Variants in TMEM234 observed in about 807,000 individuals in gnomAD.
TMEM234 encodes chromosome 1 open reading frame 91.
A neutral mutation model predicts 17.8 loss-of-function variants in TMEM234; 21 were observed. The observed-to-expected ratio is 1.18, with a 90% CI of 0.84 to 1.70. The LOEUF (loss-of-function observed/expected upper bound fraction) is 1.70, where lower values mean the gene tolerates loss of function less well. Ranked by LOEUF, TMEM234 falls within the 40% of genes most tolerant of loss-of-function variation. The probability of loss-of-function intolerance (pLI) is 0.00; values close to 1 mark genes in which losing one functional copy is unlikely to be tolerated. For synonymous variants in TMEM234, 83 were observed against 73.5 expected, an observed-to-expected ratio of 1.13 and a Z score of -0.66; for missense variants, 137 against 166.9, an observed-to-expected ratio of 0.82 and a Z score of 0.99.
chr1:32,216,015 C>T (rs187918968), downstream of TMEM234: 430 of 888,708 alleles, frequency 4.8e-4, no homozygotes, highest in Admixed American at 1.1e-3. Context: ...GGGTACACTG[C>T]GGCCTCCTCA....
intron 3 of TMEM234, among the ~76,000 whole-genome samples, chr1:32,217,771 A>G: frequency 6.6e-6 from 1 of 152,230 alleles, no homozygotes; most frequent in East Asian, 1.9e-4. Flanking sequence ...TTTTCACAAC[A>G]CTGCAAGAAG....
intron 3 of TMEM234, among the ~76,000 whole-genome samples, chr1:32,219,740 C>G (rs1049306123): frequency 1.3e-5 from 2 of 152,120 alleles, no homozygotes; most frequent in African/African-American, 4.8e-5. Flanking sequence ...TGGTTTGCAA[C>G]AGTAGATGGA....
rs746122750 is a variant in TMEM234 at position 32,222,044 on chromosome 1, T to C, written c.17-26A>G. The C allele has an allele frequency of 1.0e-5, 16 of 1,584,926 alleles. No individual in the cohort carries two copies. The African/African-American group carries it at 1.8e-4, about 17-fold the overall frequency. Reference sequence around the variant, plus strand: ...CTGAATGCAGACGAGTGAGTCACCCTGACCCCCACCCCAAACGGCCGCCCA... The same window carrying C: ...CTGAATGCAGACGAGTGAGTCACCCCGACCCCCACCCCAAACGGCCGCCCA... On this transcript the variant is annotated intron_variant, in intron 1 of 4. Coordinates refer to ENST00000309777, the MANE Select transcript of TMEM234 (RefSeq NM_019118.5).
intron 4 of TMEM234, 72 bp from the exon 5 acceptor site, chr1:32,217,019 G>A (rs1294509313): frequency 6.2e-7 from 1 of 1,605,036 alleles, no homozygotes; most frequent in African/African-American, 1.3e-5. Flanking sequence ...AGGGCTGGAG[G>A]AAGGGCTCAG....
At chr1:32,217,511 T>C (rs775419802) in intron 3 of TMEM234, 160 bp from the exon 4 acceptor site, 5 of 1,482,834 alleles carry the variant, frequency 3.4e-6, no homozygotes, top group Admixed American at 3.9e-5. Flanking sequence ...CCACATCTCC[T>C]GACTCCACGT....
chr1:32,214,573 T>C, downstream of TMEM234: 1 of 563,964 alleles, frequency 1.8e-6, no homozygotes, highest in Non-Finnish European at 3.1e-6. Context: ...ACAGTCTGGT[T>C]TCACTGGGCA....
At chr1:32,214,655 G>A (rs1638241730), downstream of TMEM234, 2 of 1,218,446 alleles carry the variant, frequency 1.6e-6, no homozygotes, top group South Asian at 3.1e-5. Flanking sequence ...AGCAAGGAGG[G>A]AGGACGTACT....
intron 3 of TMEM234, among the ~76,000 whole-genome samples, chr1:32,218,732 GT>G (rs1488303723): frequency 1.3e-5 from 2 of 152,084 alleles, no homozygotes; most frequent in African/African-American, 4.8e-5. Flanking sequence ...GAGGTCAGGA[GT>G]TCAAGACCAG....
rs1253299697 is a variant in TMEM234 at position 32,216,376 on chromosome 1, C to T, written c.*477G>A. The T allele has an allele frequency of 6.4e-6, 10 of 1,550,606 alleles. No individual in the cohort carries two copies. Among genetic ancestry groups the T allele is most frequent in the Admixed American group, 2.0e-5 (1 of 50,980 alleles). On this transcript the variant is annotated 3_prime_UTR_variant, in exon 5 of 5. Transcript: ENST00000309777. ...AGCTCATTTCCTGCATCTGCCACTCCGACGCACCTTCTTCCCTCGGTTCCA... is the reference window on the plus strand; with the variant it reads ...AGCTCATTTCCTGCATCTGCCACTCTGACGCACCTTCTTCCCTCGGTTCCA...
intron 3 of TMEM234, among the ~76,000 whole-genome samples, chr1:32,219,806 G>A (rs1410699435): frequency 6.6e-6 from 1 of 152,158 alleles, no homozygotes; most frequent in African/African-American, 2.4e-5. Flanking sequence ...AGGCAGATCT[G>A]AGTTTCCCTT....
At chr1:32,219,684 T>G (rs1292084131) in intron 3 of TMEM234, among the ~76,000 whole-genome samples, 1 of 152,146 alleles carries the variant, frequency 6.6e-6, no homozygotes, top group Non-Finnish European at 1.5e-5. Context: ...AGAGCTGCCT[T>G]CTTAAGTTTA....
chr1:32,220,996 G>A, intron 3 of TMEM234, 135 bp downstream of exon 3: 1 of 675,148 alleles, frequency 1.5e-6, no homozygotes, highest in Non-Finnish European at 2.6e-6. Context: ...GAAGAGGATA[G>A]TAAGAGGGAA....
At chr1:32,217,164 C>T in intron 4 of TMEM234, 95 bp downstream of exon 4, 17 of 1,609,246 alleles carry the variant, frequency 1.1e-5, no homozygotes, top group Non-Finnish European at 1.4e-5. Context: ...GCCGTGTCCT[C>T]ACCCACTCTG....
intron 4 of TMEM234, 102 bp downstream of exon 4, chr1:32,217,157 G>C: frequency 6.9e-6 from 11 of 1,605,076 alleles, no homozygotes; most frequent in Non-Finnish European, 9.4e-6. Flanking sequence ...GGAAAAGGCC[G>C]TGTCCTCACC....
intron 1 of TMEM234, 48 bp from the exon 2 acceptor site, chr1:32,222,066 C>T: frequency 1.3e-6 from 2 of 1,543,726 alleles, no homozygotes; most frequent in South Asian, 1.2e-5. Flanking sequence ...CAAACGGCCG[C>T]CCACCCCGCC....
chr1:32,222,102 AG>A, intron 1 of TMEM234, 84 bp from the exon 2 acceptor site: 2 of 1,503,490 alleles, frequency 1.3e-6, no homozygotes, highest in Non-Finnish European at 1.8e-6. Flanking sequence ...AGCCCCAGCT[AG>A]CCGCCCCCAC....
At chr1:32,222,133 C>A in intron 1 of TMEM234, 115 bp from the exon 2 acceptor site, 1 of 1,505,700 alleles carries the variant, frequency 6.6e-7, no homozygotes, top group Non-Finnish European at 8.9e-7. Context: ...TCGCTCTCTT[C>A]GCCTCGGCTG....
chr1:32,216,849 C>T lies in TMEM234; in HGVS notation c.*4G>A. On this transcript the variant is annotated 3_prime_UTR_variant, in exon 5 of 5. Coordinates refer to ENST00000309777, the MANE Select transcript of TMEM234 (RefSeq NM_019118.5). ...CAGCAGAGCTGGAAGTGGGTTCGGC[C>T]CACTCAAAGGGTAGACTGTTGCCCC... is the stretch of plus-strand genomic sequence containing the variant. 1 of 1,614,052 alleles carries T rather than the reference C, an allele frequency of 6.2e-7. No homozygotes were observed.
chr1:32,221,305 G>T, intron 2 of TMEM234, 108 bp from the exon 3 acceptor site: 1 of 837,842 alleles, frequency 1.2e-6, no homozygotes, highest in Non-Finnish European at 2.0e-6. Flanking sequence ...GGGTTATAAG[G>T]ACCCAGAGAA....
Sources: gnomAD v4.1 joint callset for allele counts (sites outside exome capture counted in the v4.1 genomes callset) on GRCh38, gnomAD v4.1.1 for gene constraint, MANE v1.5 for transcripts, NCBI Gene and HGNC (gene_info 2026-07-23, HGNC 2026-07-21) for gene names.